AKAP9: variants seen among roughly 807,000 people sequenced by gnomAD.
AKAP9 encodes A-kinase anchor protein 9.
In AKAP9, 311 loss-of-function variants were observed where a neutral mutation model predicts 488.5. The ratio of observed to expected loss-of-function variants is 0.64; its 90% CI spans 0.58 to 0.70. The LOEUF (loss-of-function observed/expected upper bound fraction) is 0.70. Among genes scored for constraint, AKAP9 ranks in the 30% least tolerant of loss-of-function variants. The pLI is 0.00. For missense variants in AKAP9, 4,215 were observed against 4,374.5 expected, an observed-to-expected ratio of 0.96 and a Z score of 1.03; for synonymous variants, 1,462 against 1,483.5, an observed-to-expected ratio of 0.99 and a Z score of 0.33.
chr7:92,063,752 A>T (rs1417767416), intron 24 of AKAP9, among the ~76,000 whole-genome samples: 2 of 152,130 alleles, frequency 1.3e-5, no homozygotes, highest in African/African-American at 4.8e-5. Context: ...CATAGAGCTT[A>T]AAACCATTTT....
intron 26 of AKAP9, among the ~76,000 whole-genome samples, chr7:92,069,775 G>A (rs1811375632): frequency 6.6e-6 from 1 of 152,130 alleles, no homozygotes; most frequent in Non-Finnish European, 1.5e-5. Flanking sequence ...CAGCTACTCA[G>A]GAGGCTGATG....
chr7:91,950,987 A>G (rs1227330962), intron 1 of AKAP9, among the ~76,000 whole-genome samples: 1 of 152,136 alleles, frequency 6.6e-6, no homozygotes, highest in Non-Finnish European at 1.5e-5. Flanking sequence ...CACAATGAAA[A>G]TTCATATCTG....
At chr7:92,006,188 C>T (rs1799841509) in intron 8 of AKAP9, among the ~76,000 whole-genome samples, 1 of 151,704 alleles carries the variant, frequency 6.6e-6, no homozygotes. Context: ...GCTCTCACTG[C>T]CGTCCAGGCT....
chr7:92,009,933 G>A (rs960449437), intron 8 of AKAP9, among the ~76,000 whole-genome samples: 35 of 152,262 alleles, frequency 2.3e-4, no homozygotes, highest in African/African-American at 8.4e-4. Flanking sequence ...AGGCTGGAGT[G>A]CAGTCAGACA....
At chr7:92,017,532 G>C (rs1193544036) in intron 12 of AKAP9, among the ~76,000 whole-genome samples, 1 of 152,012 alleles carries the variant, frequency 6.6e-6, no homozygotes, top group African/African-American at 2.4e-5. Flanking sequence ...AGAAAACTAG[G>C]TAAGATAGTA....
chr7:92,083,567 T>A lies in AKAP9; in HGVS notation c.8558T>A (p.Leu2853Ter), dbSNP rs762581112. The change falls in exon 33 of 50, where the codon TTA (leucine) becomes TAA (stop). Residue 2853 changes from leucine (L) to a stop codon, truncating the protein, a stop_gained. Transcript: ENST00000356239. LOFTEE classifies it high-confidence loss of function. ...AGACATATTTCAGAAACTGAAACCT[T>A]AAAGAGGGAACACTATGTTGCCGTT... ...ESRHISETET[L>*]KREHYVAVQL... 1 of 1,602,224 alleles carries A rather than the reference T, an allele frequency of 6.2e-7. No homozygotes were observed. The highest frequency in any genetic ancestry group is 1.3e-5 in the African/African-American group (1 of 74,156).
intron 22 of AKAP9, among the ~76,000 whole-genome samples, 176 bp from the exon 23 acceptor site, chr7:92,061,084 T>A (rs1311906032): frequency 2.0e-5 from 3 of 152,164 alleles, no homozygotes. Context: ...AATATACATG[T>A]CTCCTCTGAT....
At chr7:92,101,421 A>G (rs1478466538) in intron 45 of AKAP9, among the ~76,000 whole-genome samples, 1 of 146,732 alleles carries the variant, frequency 6.8e-6, no homozygotes, top group African/African-American at 2.6e-5. Flanking sequence ...TGGGCCACAG[A>G]GTGAGACTCC....
At chr7:92,015,261 A>G (rs920564973) in intron 10 of AKAP9, among the ~76,000 whole-genome samples, 1 of 152,182 alleles carries the variant, frequency 6.6e-6, no homozygotes, top group African/African-American at 2.4e-5. Context: ...TTAAATGATG[A>G]TAGAAGTGTC....
At chr7:91,942,509 G>A (rs1790899356) in intron 1 of AKAP9, among the ~76,000 whole-genome samples, 1 of 152,196 alleles carries the variant, frequency 6.6e-6, no homozygotes, top group African/African-American at 2.4e-5. Context: ...GGCTGAGCAA[G>A]CTCTATGCAT....
intron 12 of AKAP9, among the ~76,000 whole-genome samples, chr7:92,020,538 C>A (rs1802177668): frequency 6.6e-6 from 1 of 152,194 alleles, no homozygotes; most frequent in Admixed American, 6.5e-5. Context: ...TTCTGTCCTT[C>A]TTCCATGTTC....
At position 91,940,996 on chromosome 7, in the gene AKAP9, T is replaced by G; in HGVS notation, c.-104T>G. The G allele has an allele frequency of 8.1e-7, 1 of 1,232,176 alleles. No individual in the cohort carries two copies. Among genetic ancestry groups the G allele is most frequent in the Admixed American group, 1.7e-5 (1 of 59,468 alleles). The allele number at this position is 1,232,176 out of a possible 1,614,324, so 76.3% of individuals were successfully genotyped here. A position where few individuals can be genotyped will look rare whatever the true frequency, so the allele number is the denominator to read the frequency against. On this transcript the variant is annotated 5_prime_UTR_variant, in exon 1 of 50. Coordinates refer to ENST00000356239, the MANE Select transcript of AKAP9 (RefSeq NM_005751.5). ...GGAGCGCCGGACCGAATCGGCTCTCTAGGCCGTGGAGCTTGCCGTCCCACC... is the reference window on the plus strand; with the variant it reads ...GGAGCGCCGGACCGAATCGGCTCTCGAGGCCGTGGAGCTTGCCGTCCCACC...
At chr7:91,950,603 A>G (rs1792117476) in intron 1 of AKAP9, among the ~76,000 whole-genome samples, 1 of 152,190 alleles carries the variant, frequency 6.6e-6, no homozygotes, top group African/African-American at 2.4e-5. Context: ...ACAGGGATCA[A>G]TTATAACTAA....
chr7:92,021,815 G>A (rs1264349492), intron 12 of AKAP9, among the ~76,000 whole-genome samples: 1 of 152,214 alleles, frequency 6.6e-6, no homozygotes, highest in East Asian at 1.9e-4. Flanking sequence ...CATACCATTT[G>A]TCAGTTACCT....
intron 32 of AKAP9, 144 bp downstream of exon 32, chr7:92,082,806 T>C (rs1813813379): frequency 4.8e-6 from 5 of 1,037,184 alleles, no homozygotes; most frequent in Non-Finnish European, 7.0e-6. Context: ...AAAACTTTCA[T>C]TGTTATAAAT....
rs776217591 is a variant in AKAP9, at chr7:92,065,366, T to C, written c.6113T>C (p.Ile2038Thr). Residue 2038 changes from isoleucine (I) to threonine (T), a missense_variant, in exon 25 of 50, where the codon ATA becomes ACA. By Grantham distance (89) the Ile-to-Thr change is moderately conservative (BLOSUM62 -1). Transcript: ENST00000356239. ...IDVEEQVSRF[I>T]ELEQEKNTEL... ...GTGGAAGAACAAGTCAGTAGGTTTA[T>C]AGAGCTGGAACAAGAAAAAAATACT... 2.5e-6 allele frequency: 4 copies of C among 1,613,222 alleles called. No individual in the cohort carries two copies. Among genetic ancestry groups the C allele is most frequent in the East Asian group, 2.2e-5 (1 of 44,702 alleles).
At chr7:92,027,625 C>T (rs1462314869) in intron 14 of AKAP9, among the ~76,000 whole-genome samples, 3 of 123,288 alleles carry the variant, frequency 2.4e-5, no homozygotes, top group South Asian at 2.6e-4. Context: ...CTGGCCGCCC[C>T]GTCTGGGATG....
Position 92,002,542 on chromosome 7 carries a change from AGAT to A in AKAP9, c.2629_2631del (p.Asp877del). The A allele has an allele frequency of 6.2e-7, 1 of 1,610,214 alleles. No homozygotes were observed. The highest frequency in any genetic ancestry group is 1.1e-5 in the South Asian group (1 of 90,054). ...AGTATGCTTGCCTTCTCAAAGTAAA[AGAT>A]GATTTAGAAGACAGTAAAAATAAAC... On this transcript the variant is annotated inframe_deletion, in exon 8 of 50. Coordinates refer to ENST00000356239, the MANE Select transcript of AKAP9 (RefSeq NM_005751.5).
In AKAP9 at chr7:92,065,351, A is replaced by G. The variant is rs1810599049; in HGVS notation, c.6098A>G (p.Gln2033Arg). Residue 2033 changes from glutamine to arginine, a missense_variant, in exon 25 of 50, where the codon CAA becomes CGA. By Grantham distance (43) the Gln-to-Arg change is conservative. This residue lies in a region of AKAP9 where 2,361 missense variants were observed against 2,430.0 expected (regional missense o/e 0.97). Transcript: ENST00000356239. ...GCTCTAGAAATAGATGTGGAAGAACAAGTCAGTAGGTTTATAGAGCTGGAA... is the reference window on the plus strand; with the variant it reads ...GCTCTAGAAATAGATGTGGAAGAACGAGTCAGTAGGTTTATAGAGCTGGAA... ...VKALEIDVEE[Q>R]VSRFIELEQE... is the part of the protein sequence containing the mutation. 13 of 1,613,242 alleles carry G rather than the reference A, an allele frequency of 8.1e-6. No homozygotes were observed. Among genetic ancestry groups the G allele is most frequent in the Non-Finnish European group, 1.1e-5 (13 of 1,179,508 alleles).
Sources: allele counts gnomAD v4.1 joint callset (sites outside exome capture counted in the v4.1 genomes callset), GRCh38; gene constraint gnomAD v4.1.1; regional missense constraint gnomAD v4.1.1; transcripts MANE v1.5; gene names NCBI Gene and HGNC (gene_info 2026-07-23, HGNC 2026-07-21).